Variants in RALGPS1 observed in about 807,000 individuals in gnomAD.
The protein encoded by RALGPS1 is ras-specific guanine nucleotide-releasing factor RalGPS1.
In RALGPS1, 19 loss-of-function variants were observed where a neutral mutation model predicts 78.8. That is an observed-to-expected ratio of 0.24 (90% CI 0.17 to 0.35). The LOEUF (loss-of-function observed/expected upper bound fraction) is 0.35, where lower values mean the gene tolerates loss of function less well. Ranked by LOEUF, RALGPS1 falls within the 10% of genes least tolerant of loss-of-function variation. The probability of loss-of-function intolerance (pLI) is 1.00; values close to 1 mark genes in which losing one functional copy is unlikely to be tolerated. For missense variants in RALGPS1, 454 were observed against 688.3 expected (o/e 0.66, Z 3.81); for synonymous variants, 228 against 256.3 (o/e 0.89, Z 1.06).
rs201591722 is a variant in RALGPS1, at chr9:127,038,141, AT to A, written c.300+3628del. Among the ~76,000 whole-genome samples the A allele has an allele frequency of 5.3e-5, 8 of 152,324 alleles. No homozygotes were observed. In the East Asian group the frequency reaches 1.4e-3, roughly 26 times the overall value. ...GTCTGCCCTCTGAACTCCCATGCTC[AT>A]GAGCCTAGTGACTGAATGTTTCTGC... On this transcript the variant is annotated intron_variant, in intron 5 of 18. Coordinates refer to ENST00000259351, the MANE Select transcript of RALGPS1 (RefSeq NM_014636.3).
chr9:126,930,882 A>T (rs1259190265), intron 1 of RALGPS1, among the ~76,000 whole-genome samples: 1 of 152,256 alleles, frequency 6.6e-6, no homozygotes, highest in African/African-American at 2.4e-5. Context: ...GAATATAAAA[A>T]TGGCTATCTG....
intron 8 of RALGPS1, among the ~76,000 whole-genome samples, chr9:127,098,674 C>G (rs2053414583): frequency 2.0e-5 from 3 of 152,156 alleles, no homozygotes; most frequent in Admixed American, 6.5e-5. Context: ...TTCCTTCCTC[C>G]TCTCTGGGGT....
At chr9:127,123,788 C>A (rs2056380849) in intron 8 of RALGPS1, among the ~76,000 whole-genome samples, 1 of 152,100 alleles carries the variant, frequency 6.6e-6, no homozygotes. Context: ...ACAGTCAGTG[C>A]AGGAGGACAG....
At chr9:127,182,682 G>A (rs2060350912) in intron 11 of RALGPS1, among the ~76,000 whole-genome samples, 1 of 151,980 alleles carries the variant, frequency 6.6e-6, no homozygotes, top group Non-Finnish European at 1.5e-5. Context: ...GCCCACCTTG[G>A]CCTCCCAAAG....
chr9:126,962,358 G>T lies in RALGPS1; in HGVS notation c.57+12G>T, dbSNP rs893343789. On this transcript the variant is annotated intron_variant, in intron 2 of 18. Transcript: ENST00000259351. The stretch of plus-strand genomic sequence containing the variant: ...CTGCCACTCCACAGGTACTGAGGCT[G>T]CAAGAATCGGGACAGTGGGTAGAGG... 3 of 1,613,638 alleles carry T rather than the reference G, an allele frequency of 1.9e-6. No homozygotes were observed. The African/African-American group carries it at 4.0e-5, about 22-fold the overall frequency.
Position 127,205,212 on chromosome 9 carries a change from T to A in RALGPS1, c.1247+6146T>A, listed in dbSNP as rs2061867473. 6.6e-6 allele frequency among the ~76,000 whole-genome samples: 1 copy of A among 152,244 alleles called. No individual in the cohort carries two copies. On this transcript the variant is annotated intron_variant, in intron 14 of 18. Coordinates refer to ENST00000259351, the MANE Select transcript of RALGPS1 (RefSeq NM_014636.3). The surrounding 1 kb of genome is among the most constrained non-coding windows in gnomAD (Gnocchi z 4.0). ...CAGAGACACTGAGCCCTGGGCCATC[T>A]GTCCCAGCTTGGTGCATGACTCAGA...
In RALGPS1 at chr9:127,158,076, T is replaced by C. The variant is rs1022513562; in HGVS notation, c.611-7993T>C. On this transcript the variant is annotated intron_variant, in intron 8 of 18. Transcript: ENST00000259351. Reference sequence around the variant, plus strand: ...ATTGGTCTCTGTTTTATGCCACCTCTGTCAGGTTTGGGTGTAATGGTTATG... The same window carrying C: ...ATTGGTCTCTGTTTTATGCCACCTCCGTCAGGTTTGGGTGTAATGGTTATG... Among the ~76,000 whole-genome samples the C allele has an allele frequency of 2.4e-4, 37 of 152,158 alleles. 1 individual carries two copies. Among genetic ancestry groups the C allele is most frequent in the Non-Finnish European group, 1.5e-5 (1 of 67,976 alleles).
chr9:127,116,091 T>G (rs562001654), intron 8 of RALGPS1, among the ~76,000 whole-genome samples: 1 of 152,238 alleles, frequency 6.6e-6, no homozygotes, highest in African/African-American at 2.4e-5. Context: ...ACCCACCCAT[T>G]TAGCCTTCCC....
intron 13 of RALGPS1, among the ~76,000 whole-genome samples, chr9:127,197,497 C>T (rs902158027): frequency 8.3e-6 from 1 of 119,894 alleles, no homozygotes; most frequent in Non-Finnish European, 1.6e-5. Context: ...GGGCCCAGAG[C>T]ATGGGGGTGG....
chr9:127,098,088 A>G (rs2053335069), intron 8 of RALGPS1, among the ~76,000 whole-genome samples: 1 of 152,094 alleles, frequency 6.6e-6, no homozygotes, highest in Admixed American at 6.6e-5. Context: ...TCCTCCACAC[A>G]CGTTACTATA....
intron 3 of RALGPS1, among the ~76,000 whole-genome samples, chr9:126,966,257 G>C (rs536728513): frequency 1.3e-5 from 2 of 152,140 alleles, no homozygotes; most frequent in East Asian, 3.8e-4. Context: ...GGTGGCTCAC[G>C]CCTATAATCC....
chr9:127,083,995 C>T (rs1243816275), intron 8 of RALGPS1, among the ~76,000 whole-genome samples: 1 of 152,130 alleles, frequency 6.6e-6, no homozygotes, highest in African/African-American at 2.4e-5. Context: ...ACTGCAGCCT[C>T]TGCCTCCTGG....
chr9:126,982,919 CTTCTTCTTCTTTTTT>C (rs2041424032), intron 4 of RALGPS1, among the ~76,000 whole-genome samples: 3 of 76,366 alleles, frequency 3.9e-5, no homozygotes, highest in Non-Finnish European at 8.8e-5. Flanking sequence ...TCTTCTTCTT[CTTCTTCTTCTTTTTT>C]TTTTTTTTTT....
chr9:126,917,972 T>A (rs2034347234), intron 1 of RALGPS1, among the ~76,000 whole-genome samples: 1 of 152,206 alleles, frequency 6.6e-6, no homozygotes, highest in African/African-American at 2.4e-5. Context: ...CTTGTTTAGT[T>A]CTTCTTTTAA....
intron 5 of RALGPS1, among the ~76,000 whole-genome samples, chr9:127,046,672 C>CAAAA (rs71377987): frequency 1.2e-3 from 49 of 40,266 alleles, no homozygotes; most frequent in Middle Eastern, 0.012. Context: ...CCCATCCATA[C>CAAAA]AAAAAAAAAA....
intron 8 of RALGPS1, among the ~76,000 whole-genome samples, chr9:127,113,239 A>G (rs933041945): frequency 2.0e-5 from 3 of 152,192 alleles, no homozygotes; most frequent in Non-Finnish European, 4.4e-5. Flanking sequence ...TGATTTGCCC[A>G]GGAACACACG....
At chr9:126,961,208 TAGCC>T (rs1312620628) in intron 1 of RALGPS1, among the ~76,000 whole-genome samples, 1 of 152,170 alleles carries the variant, frequency 6.6e-6, no homozygotes, top group East Asian at 1.9e-4. Context: ...TCAGGCATGA[TAGCC>T]AGAAGAAGGG....
chr9:127,055,931 G>A (rs1248623677), intron 7 of RALGPS1, among the ~76,000 whole-genome samples: 1 of 152,236 alleles, frequency 6.6e-6, no homozygotes, highest in African/African-American at 2.4e-5. Flanking sequence ...GGTTGCTGGA[G>A]TGCAGCAGAA....
At chr9:126,989,453 G>T (rs780327039) in intron 4 of RALGPS1, among the ~76,000 whole-genome samples, 4 of 152,208 alleles carry the variant, frequency 2.6e-5, no homozygotes, top group African/African-American at 4.8e-5. Flanking sequence ...TTAGGACCCG[G>T]CTTGGGCCTC....
Sources: allele counts gnomAD v4.1 joint callset (sites outside exome capture counted in the v4.1 genomes callset), GRCh38; gene constraint gnomAD v4.1.1; non-coding constraint Gnocchi (gnomAD v3.1); transcripts MANE v1.5; gene names NCBI Gene and HGNC (gene_info 2026-07-23, HGNC 2026-07-21).